Variants in RMDN1 observed in about 807,000 individuals in gnomAD.
RMDN1 encodes the protein regulator of microtubule dynamics protein 1.
In RMDN1, 48 loss-of-function variants were observed where a neutral mutation model predicts 48.9. The ratio of observed to expected loss-of-function variants is 0.98; its 90% CI spans 0.78 to 1.25. The LOEUF (loss-of-function observed/expected upper bound fraction) is 1.25. Ranked by LOEUF, RMDN1 falls within the 50% of genes most tolerant of loss-of-function variation. RMDN1 has a pLI of 0.00. For missense variants in RMDN1, 418 were observed against 373.4 expected (o/e 1.12, Z -0.98); for synonymous variants, 148 against 132.6 (o/e 1.12, Z -0.80).
At chr8:86,511,286 A>G (rs1170119673), upstream of RMDN1, among the ~76,000 whole-genome samples, 1 of 151,318 alleles carries the variant, frequency 6.6e-6, no homozygotes, top group Non-Finnish European at 1.5e-5. Context: ...CATCCTGGCT[A>G]ACACAGTGAA....
intron 3 of RMDN1, among the ~76,000 whole-genome samples, chr8:86,487,511 C>G (rs1395822304): frequency 6.6e-6 from 1 of 152,096 alleles, no homozygotes; most frequent in Non-Finnish European, 1.5e-5. Context: ...TCGCTTGAAC[C>G]TGGAGGGTAG....
upstream of RMDN1, among the ~76,000 whole-genome samples, chr8:86,513,078 T>C (rs1820135087): frequency 7.1e-6 from 1 of 141,020 alleles, no homozygotes; most frequent in Admixed American, 7.0e-5. Flanking sequence ...CTTATCAATT[T>C]AAATGAACTT....
chr8:86,488,277 A>G (rs1181767737), intron 3 of RMDN1, among the ~76,000 whole-genome samples: 2 of 152,224 alleles, frequency 1.3e-5, no homozygotes, highest in Non-Finnish European at 2.9e-5. Flanking sequence ...CATATATTCA[A>G]TAACTATCTT....
downstream of RMDN1, among the ~76,000 whole-genome samples, chr8:86,469,334 G>A (rs976159438): frequency 6.6e-6 from 1 of 152,140 alleles, no homozygotes; most frequent in African/African-American, 2.4e-5. Flanking sequence ...ATGCAGCTTT[G>A]CTTTTGGTAA....
intron 8 of RMDN1, 106 bp downstream of exon 8, chr8:86,477,188 T>A: frequency 1.3e-6 from 1 of 742,830 alleles, no homozygotes; most frequent in Non-Finnish European, 2.1e-6. Flanking sequence ...AGCACAAAAA[T>A]AAGTATAACA....
At chr8:86,470,176 T>TTAC (rs755112277), downstream of RMDN1, 400 of 1,288,624 alleles carry the variant, frequency 3.1e-4, no homozygotes, top group Admixed American at 4.8e-4. Flanking sequence ...ATATAGCCTA[T>TTAC]GTATGTAATA....
At chr8:86,482,855 G>T in intron 5 of RMDN1, 1 of 1,158,000 alleles carries the variant, frequency 8.6e-7, no homozygotes, top group Non-Finnish European at 1.3e-6. Context: ...TCTCTTTGCT[G>T]AACATACAGA....
intron 8 of RMDN1, among the ~76,000 whole-genome samples, chr8:86,475,393 A>T (rs1427260427): frequency 6.6e-6 from 1 of 152,188 alleles, no homozygotes; most frequent in Non-Finnish European, 1.5e-5. Context: ...GATGACATAT[A>T]TATATTTGAT....
At chr8:86,492,188 CAGAAA>C (rs1816613424) in intron 2 of RMDN1, among the ~76,000 whole-genome samples, 1 of 151,886 alleles carries the variant, frequency 6.6e-6, no homozygotes. Context: ...GTGACAAAAA[CAGAAA>C]AGAAATTTTA....
At chr8:86,494,188 A>G (rs1286489531) in intron 2 of RMDN1, among the ~76,000 whole-genome samples, 1 of 152,222 alleles carries the variant, frequency 6.6e-6, no homozygotes, top group Non-Finnish European at 1.5e-5. Flanking sequence ...AGAAATTGCT[A>G]ATGGAATAGA....
chr8:86,473,135 T>C lies in RMDN1; in HGVS notation c.*1173A>G. 1.0e-6 allele frequency: 1 copy of C among 985,332 alleles called. No homozygotes were observed. The highest frequency in any genetic ancestry group is 1.2e-6 in the Non-Finnish European group (1 of 829,858). The allele number at this position is 985,332 out of a possible 1,614,324, so 61.0% of individuals were successfully genotyped here. A position where few individuals can be genotyped will look rare whatever the true frequency, so the allele number is the denominator to read the frequency against. On this transcript the variant is annotated 3_prime_UTR_variant, in exon 10 of 10. Transcript: ENST00000406452. ...AATCTAAGAGATGGGTATACAAAGA[T>C]CACTACTTTCAGTTTTCCTTTTTGT...
At chr8:86,476,528 G>A (rs1297402305) in intron 8 of RMDN1, among the ~76,000 whole-genome samples, 1 of 152,112 alleles carries the variant, frequency 6.6e-6, no homozygotes, top group African/African-American at 2.4e-5. Context: ...CCCACTTGGT[G>A]TATGAATATT....
chr8:86,498,554 C>T (rs1260207679), intron 2 of RMDN1, among the ~76,000 whole-genome samples: 4 of 151,882 alleles, frequency 2.6e-5, no homozygotes, highest in Admixed American at 6.6e-5. Context: ...TGAGGTGGAC[C>T]GATTGCTTGA....
intron 2 of RMDN1, among the ~76,000 whole-genome samples, chr8:86,502,223 A>G (rs746398943): frequency 2.0e-5 from 3 of 152,044 alleles, no homozygotes; most frequent in Non-Finnish European, 4.4e-5. Flanking sequence ...TGGTTTAACT[A>G]ATTTTTTTTT....
In RMDN1 at chr8:86,472,650, G is replaced by C; in HGVS notation, c.*1658C>G. 1 of 565,470 alleles carries C rather than the reference G, an allele frequency of 1.8e-6. No homozygotes were observed. Among genetic ancestry groups the C allele is most frequent in the Non-Finnish European group, 3.1e-6 (1 of 321,184 alleles). The allele number at this position is 565,470 out of a possible 1,614,324, so 35.0% of individuals were successfully genotyped here. Reference sequence around the variant, plus strand: ...ATTATTTTTTCACTGTATCAGTGGTGTGTCATATTTTTTTTTTTGCCATCC... The same window carrying C: ...ATTATTTTTTCACTGTATCAGTGGTCTGTCATATTTTTTTTTTTGCCATCC... On this transcript the variant is annotated 3_prime_UTR_variant, in exon 10 of 10. Transcript: ENST00000406452.
intron 5 of RMDN1, among the ~76,000 whole-genome samples, chr8:86,484,274 T>C (rs1005086058): frequency 6.6e-6 from 1 of 151,984 alleles, no homozygotes; most frequent in Non-Finnish European, 1.5e-5. Context: ...AAAAAACAAG[T>C]GAGGAGAAAC....
chr8:86,503,608 C>G, intron 2 of RMDN1: 1 of 486,506 alleles, frequency 2.1e-6, no homozygotes. Context: ...CAGCTCTGAT[C>G]GTTGCCATTA....
upstream of RMDN1, among the ~76,000 whole-genome samples, chr8:86,513,635 T>C (rs966646585): frequency 6.6e-6 from 1 of 152,216 alleles, no homozygotes; most frequent in Non-Finnish European, 1.5e-5. Flanking sequence ...AGGCCAATTA[T>C]TTAGCTTCCA....
chr8:86,494,508 A>G (rs931819009), intron 2 of RMDN1, among the ~76,000 whole-genome samples: 1 of 152,106 alleles, frequency 6.6e-6, no homozygotes, highest in African/African-American at 2.4e-5. Flanking sequence ...ATGAGCTGTG[A>G]TCATGCCACT....
Sources: allele counts gnomAD v4.1 joint callset (sites outside exome capture counted in the v4.1 genomes callset), GRCh38; gene constraint gnomAD v4.1.1; transcripts MANE v1.5; gene names NCBI Gene and HGNC (gene_info 2026-07-23, HGNC 2026-07-21).